The following OGG1 variants were observed in gnomAD, a reference collection of about 807,000 sequenced individuals.
OGG1 encodes the protein N-glycosylase/DNA lyase.
A neutral mutation model predicts 42.3 loss-of-function variants in OGG1; 35 were observed. The ratio of observed to expected loss-of-function variants is 0.83; its 90% CI spans 0.63 to 1.10. The LOEUF is 1.10. Ranked by LOEUF, OGG1 falls within the 50% of genes least tolerant of loss-of-function variation. The pLI is 0.00. For synonymous variants in OGG1, 189 were observed against 179.0 expected (o/e 1.06, Z -0.44); for missense variants, 484 against 446.7 (o/e 1.08, Z -0.75).
chr3:9,754,968 G>A (rs2125546588), intron 4 of OGG1, 83 bp downstream of exon 4: 2 of 1,256,234 alleles, frequency 1.6e-6, no homozygotes, highest in Non-Finnish European at 2.3e-6. Flanking sequence ...GGAGCTGGGT[G>A]GAGGCTTGGC....
downstream of OGG1, among the ~76,000 whole-genome samples, chr3:9,790,391 A>C (rs1469070411): frequency 6.6e-6 from 1 of 152,204 alleles, no homozygotes; most frequent in Non-Finnish European, 1.5e-5. Context: ...GGACAAGTTA[A>C]TTCCATTCAT....
At chr3:9,756,860 C>T in intron 6 of OGG1, 44 bp downstream of exon 6, 1 of 1,612,858 alleles carries the variant, frequency 6.2e-7, no homozygotes, top group Non-Finnish European at 8.5e-7. Flanking sequence ...TCTCCTCCAG[C>T]CCAGACCCAG....
downstream of OGG1, chr3:9,758,383 C>T (rs1389609867): frequency 1.3e-5 from 2 of 155,446 alleles, no homozygotes; most frequent in African/African-American, 4.8e-5. Flanking sequence ...ATGGTACCAC[C>T]ACCATCCATT....
downstream of OGG1, chr3:9,762,358 TTTTTA>T (rs1448447753): frequency 6.5e-6 from 1 of 153,524 alleles, no homozygotes; most frequent in African/African-American, 2.4e-5. Context: ...GGATTTTTTG[TTTTTA>T]TTTTATTTTT....
At position 9,757,349 on chromosome 3, in the gene OGG1, GT is replaced by G; in HGVS notation, c.*203del. On this transcript the variant is annotated 3_prime_UTR_variant, in exon 7 of 7. Transcript: ENST00000344629. The surrounding 1 kb of genome is among the most constrained non-coding windows in gnomAD (Gnocchi z 4.5). ...ATTGAGGGAGACAGCGCTAAGGATG[GT>G]TTTATCTTCCCTTTATTACAAGAAG... 1 of 1,614,092 alleles carries G rather than the reference GT, an allele frequency of 6.2e-7. No individual in the cohort carries two copies. Among genetic ancestry groups the G allele is most frequent in the Non-Finnish European group, 8.5e-7 (1 of 1,180,002 alleles).
At chr3:9,787,419 C>A in intron 3 of OGG1, 1 of 1,516,620 alleles carries the variant, frequency 6.6e-7, no homozygotes, top group Non-Finnish European at 8.8e-7. Flanking sequence ...ACTTACCTAT[C>A]TTATATCTCT....
chr3:9,772,406 A>T (rs2078313168), intron 2 of OGG1, among the ~76,000 whole-genome samples: 1 of 152,154 alleles, frequency 6.6e-6, no homozygotes, highest in Non-Finnish European at 1.5e-5. Context: ...TGCAGGAAAA[A>T]CACCAGAGAT....
downstream of OGG1, among the ~76,000 whole-genome samples, chr3:9,768,258 C>G (rs1333537642): frequency 6.6e-6 from 1 of 152,224 alleles, no homozygotes; most frequent in East Asian, 1.9e-4. Flanking sequence ...TTTCCAGCAG[C>G]CTGGGCTTCC....
At chr3:9,750,467 C>T (rs2077248209) in intron 1 of OGG1, 44 bp downstream of exon 1, 1 of 1,611,340 alleles carries the variant, frequency 6.2e-7, no homozygotes, top group African/African-American at 1.3e-5. Flanking sequence ...GGACTGGCTC[C>T]TGCCGCCTCA....
intron 3 of OGG1, among the ~76,000 whole-genome samples, chr3:9,786,442 A>G (rs1043806904): frequency 2.0e-5 from 3 of 152,190 alleles, no homozygotes; most frequent in African/African-American, 7.2e-5. Flanking sequence ...TAGAAAACTG[A>G]GTCTCAATGA....
At chr3:9,790,019 T>G, downstream of OGG1, 24 of 1,515,946 alleles carry the variant, frequency 1.6e-5, no homozygotes, top group Non-Finnish European at 2.0e-5. Flanking sequence ...AGAATATCTC[T>G]TTCCTCTAGT....
intron 2 of OGG1, among the ~76,000 whole-genome samples, chr3:9,776,388 C>CTTTTTTTTTTTTTTTTTTTT (rs57504240): frequency 5.8e-5 from 7 of 121,120 alleles, no homozygotes; most frequent in Non-Finnish European, 1.0e-4. Context: ...TTTTTCTTTT[C>CTTTTTTTTTTTTTTTTTTTT]TTTTTTTTTT....
intron 7 of OGG1, among the ~76,000 whole-genome samples, chr3:9,765,214 G>A (rs529883904): frequency 1.1e-4 from 16 of 150,236 alleles, no homozygotes; most frequent in Admixed American, 2.6e-4. Flanking sequence ...GCAACAGAGT[G>A]AGACTCCATC....
At chr3:9,780,453 G>A (rs773834872) in intron 2 of OGG1, 1 of 1,612,462 alleles carries the variant, frequency 6.2e-7, no homozygotes, top group Non-Finnish European at 8.5e-7. Flanking sequence ...TCTTCTGCCG[G>A]GCAGCCATGA....
chr3:9,776,293 T>C (rs2078362390), intron 2 of OGG1, among the ~76,000 whole-genome samples: 1 of 152,126 alleles, frequency 6.6e-6, no homozygotes, highest in Admixed American at 6.6e-5. Context: ...ACATCCTCCC[T>C]GAAGCCTTTC....
In OGG1 at chr3:9,756,546, G is replaced by A. The variant is rs2077570686; in HGVS notation, c.823G>A (p.Ala275Thr). The A allele has an allele frequency of 1.9e-6, 3 of 1,614,140 alleles. No individual in the cohort carries two copies. The highest frequency in any genetic ancestry group is 2.5e-6 in the Non-Finnish European group (3 of 1,180,032). ...CGTGGATGTCCATATGTGGCACATT[G>A]CCCAACGTGACTACAGCTGGCACCC... ...VPVDVHMWHIAQRDYSWHPTT... is the reference protein window; with the variant it reads ...VPVDVHMWHITQRDYSWHPTT... The change falls in exon 5 of 7, where the codon GCC (alanine) becomes ACC (threonine). Residue 275 changes from alanine (A) to threonine (T), a missense_variant. By Grantham distance (58) the Ala-to-Thr change is moderately conservative. Transcript: ENST00000344629.
chr3:9,778,038 T>C (rs2078386651), intron 2 of OGG1, among the ~76,000 whole-genome samples: 1 of 152,188 alleles, frequency 6.6e-6, no homozygotes, highest in Non-Finnish European at 1.5e-5. Context: ...AACCACTCAA[T>C]TGCTTGACAA....
chr3:9,778,589 G>GT (rs1299763343), intron 2 of OGG1, among the ~76,000 whole-genome samples: 1 of 152,152 alleles, frequency 6.6e-6, no homozygotes, highest in Admixed American at 6.5e-5. Flanking sequence ...TCTCAAGCAG[G>GT]TTTTTCCCCA....
At position 9,754,700 on chromosome 3, in the gene OGG1, G is replaced by T. The variant is rs115073420; in HGVS notation, c.566-4G>T. The T allele has an allele frequency of 8.7e-6, 14 of 1,613,770 alleles. No homozygotes were observed. The highest frequency in any genetic ancestry group is 1.1e-5 in the Non-Finnish European group (13 of 1,179,946). On this transcript the variant is annotated splice_region_variant and splice_polypyrimidine_tract_variant and intron_variant, in intron 3 of 6. Transcript: ENST00000344629. ...ATGCTTGCCCTCCTCCTCACTCCCC[G>T]CAGGGCCAGAGGTGGAGGCTCATCT...
Sources: gnomAD v4.1 joint callset for allele counts (sites outside exome capture counted in the v4.1 genomes callset) on GRCh38, gnomAD v4.1.1 for gene constraint, Gnocchi (gnomAD v3.1) non-coding constraint, MANE v1.5 for transcripts, NCBI Gene and HGNC (gene_info 2026-07-23, HGNC 2026-07-21) for gene names.